Variants in ANKRD31 observed in about 807,000 individuals in gnomAD.
ANKRD31 encodes ankyrin repeat domain 31.
ANKRD31 carries 147 observed loss-of-function variants against 186.0 expected under a neutral mutation model. The ratio of observed to expected loss-of-function variants is 0.79; its 90% confidence interval spans 0.69 to 0.91. The LOEUF is 0.91. ANKRD31 is among the 40% of genes least tolerant of loss of function. The pLI, the probability that ANKRD31 is intolerant of heterozygous loss-of-function variation, is 0.00. For synonymous variants in ANKRD31, 673 were observed against 736.4 expected (o/e 0.91, Z 1.39); for missense variants, 1,986 against 2,148.8 (o/e 0.92, Z 1.50).
rs1204541445 is a variant in ANKRD31, at chr5:75,148,574, A to G, written c.1905+2T>C. 2.6e-6 allele frequency: 4 copies of G among 1,513,660 alleles called. No homozygotes were observed. In the South Asian group the frequency reaches 5.0e-5, roughly 19 times the overall value. The allele number at this position is 1,513,660 out of a possible 1,614,324, so 93.8% of individuals were successfully genotyped here. A position where few individuals can be genotyped will look rare whatever the true frequency, so the allele number is the denominator to read the frequency against. ...AATGTTTATTACTAAACATAGATAT[A>G]CCTTGTGTTGGTACACATCCTCTAT... On this transcript the variant is annotated splice_donor_variant, in intron 13 of 25. Coordinates refer to ENST00000506364, the MANE Select transcript of ANKRD31 (RefSeq NM_001372053.1). LOFTEE classifies it high-confidence loss of function.
At chr5:75,069,637 C>T (rs971417896) in intron 25 of ANKRD31, among the ~76,000 whole-genome samples, 2 of 151,958 alleles carry the variant, frequency 1.3e-5, no homozygotes, top group Admixed American at 6.6e-5. Context: ...CCTCTGCCTC[C>T]GAGGTTCAAG....
chr5:75,187,110 T>TTGTGTGTGTGTGTG (rs57013241), intron 10 of ANKRD31, among the ~76,000 whole-genome samples: 2,606 of 116,148 alleles, frequency 0.022, 72 homozygotes, highest in South Asian at 0.078. Flanking sequence ...TGATTCTGTT[T>TTGTGTGTGTGTGTG]TGTGTGTGTG....
At chr5:75,150,396 T>C (rs186211246) in intron 12 of ANKRD31, among the ~76,000 whole-genome samples, 2 of 152,152 alleles carry the variant, frequency 1.3e-5, no homozygotes, top group Admixed American at 1.3e-4. Flanking sequence ...TTTTTATTTA[T>C]TTAAGTGAAA....
At chr5:75,158,091 G>A (rs1027143678) in intron 11 of ANKRD31, among the ~76,000 whole-genome samples, 2 of 152,056 alleles carry the variant, frequency 1.3e-5, no homozygotes, top group Non-Finnish European at 2.9e-5. Flanking sequence ...GTATATCCAA[G>A]GCAATGTCCT....
intron 17 of ANKRD31, among the ~76,000 whole-genome samples, chr5:75,132,560 C>CGGGA (rs1749960824): frequency 6.6e-6 from 1 of 151,786 alleles, no homozygotes; most frequent in Non-Finnish European, 1.5e-5. Flanking sequence ...CTGAAAGTGA[C>CGGGA]GGGAGAATGG....
intron 17 of ANKRD31, among the ~76,000 whole-genome samples, chr5:75,132,837 C>G (rs1467533440): frequency 1.3e-5 from 2 of 152,090 alleles, no homozygotes; most frequent in African/African-American, 4.8e-5. Context: ...ACTCTACAAG[C>G]CAGAAGAGAG....
chr5:75,138,487 G>A (rs544419278), intron 16 of ANKRD31, among the ~76,000 whole-genome samples: 11 of 152,230 alleles, frequency 7.2e-5, no homozygotes, highest in African/African-American at 2.4e-4. Flanking sequence ...AAAAGGAACA[G>A]TATAAAAGGA....
At chr5:75,130,150 C>A (rs1749649949) in intron 17 of ANKRD31, among the ~76,000 whole-genome samples, 1 of 152,158 alleles carries the variant, frequency 6.6e-6, no homozygotes, top group East Asian at 1.9e-4. Flanking sequence ...AGCCGCAAAC[C>A]TTTGCAGTGA....
intron 23 of ANKRD31, among the ~76,000 whole-genome samples, chr5:75,089,053 T>A (rs1745730948): frequency 1.3e-5 from 2 of 152,164 alleles, no homozygotes; most frequent in Non-Finnish European, 2.9e-5. Context: ...GATCAGAAGT[T>A]ATGGGCTTGG....
chr5:75,137,172 A>T (rs1314670774), intron 17 of ANKRD31, among the ~76,000 whole-genome samples: 1 of 152,198 alleles, frequency 6.6e-6, no homozygotes, highest in African/African-American at 2.4e-5. Context: ...TAATAAAAAA[A>T]GTAGATACTT....
chr5:75,168,648 A>G (rs1393875416), intron 11 of ANKRD31, among the ~76,000 whole-genome samples: 2 of 152,178 alleles, frequency 1.3e-5, no homozygotes, highest in Non-Finnish European at 2.9e-5. Flanking sequence ...AGGACTGGAC[A>G]TAACTGCGTA....
chr5:75,146,104 G>T lies in ANKRD31; in HGVS notation c.3307C>A (p.Leu1103Ile). ...TKVEKRRQNHLESETIHNIDS... is the reference protein window; with the variant it reads ...TKVEKRRQNHIESETIHNIDS... ...ATATTGTGTATAGTCTCACTTTCTA[G>T]ATGGTTTTGTCTCCTTTTTTCAACT... The change falls in exon 14 of 26, where the codon CTA (leucine) becomes ATA (isoleucine). Residue 1103 changes from leucine (L) to isoleucine (I), a missense_variant. Physicochemically the swap from Leu to Ile is conservative, Grantham distance 5. Coordinates refer to ENST00000506364, the MANE Select transcript of ANKRD31 (RefSeq NM_001372053.1). 6.5e-7 allele frequency: 1 copy of T among 1,535,776 alleles called. No homozygotes were observed.
intron 16 of ANKRD31, among the ~76,000 whole-genome samples, chr5:75,138,265 A>C (rs920665385): frequency 6.6e-5 from 10 of 152,156 alleles, no homozygotes; most frequent in African/African-American, 2.4e-4. Flanking sequence ...ATGAGAGTAA[A>C]TACTACTCAT....
At chr5:75,183,386 T>C (rs1754468132) in intron 10 of ANKRD31, among the ~76,000 whole-genome samples, 1 of 152,164 alleles carries the variant, frequency 6.6e-6, no homozygotes. Flanking sequence ...TCACCACTTC[T>C]AGTTAGTATT....
intron 25 of ANKRD31, among the ~76,000 whole-genome samples, chr5:75,073,198 G>A (rs903302875): frequency 4.0e-5 from 6 of 151,884 alleles, no homozygotes; most frequent in African/African-American, 1.2e-4. Context: ...TTGGGAGGCT[G>A]AGATGGGAGG....
intron 19 of ANKRD31, among the ~76,000 whole-genome samples, chr5:75,115,515 A>T (rs1748155966): frequency 6.6e-6 from 1 of 151,026 alleles, no homozygotes; most frequent in Non-Finnish European, 1.5e-5. Flanking sequence ...CTCATCTGAC[A>T]AAGGGCTAAT....
intron 17 of ANKRD31, among the ~76,000 whole-genome samples, chr5:75,130,567 A>G (rs1347560530): frequency 6.6e-6 from 1 of 152,244 alleles, no homozygotes; most frequent in Non-Finnish European, 1.5e-5. Context: ...AGCTAGACGT[A>G]GAGCGCTGAT....
chr5:75,223,036 T>C (rs956635228), intron 2 of ANKRD31, among the ~76,000 whole-genome samples: 4 of 152,224 alleles, frequency 2.6e-5, no homozygotes, highest in African/African-American at 7.2e-5. Context: ...TCCACAATGG[T>C]TGAACTAATT....
chr5:75,088,642 C>T (rs1188148906), intron 23 of ANKRD31, among the ~76,000 whole-genome samples: 4 of 152,162 alleles, frequency 2.6e-5, no homozygotes, highest in African/African-American at 4.8e-5. Context: ...GAACGTGTGC[C>T]TCTCTTGTGC....
Sources: allele counts gnomAD v4.1 joint callset (sites outside exome capture counted in the v4.1 genomes callset), GRCh38; gene constraint gnomAD v4.1.1; transcripts MANE v1.5; gene names NCBI Gene and HGNC (gene_info 2026-07-23, HGNC 2026-07-21).